The following SSBP3 variants were observed in gnomAD, a reference collection of about 807,000 sequenced individuals.
SSBP3 encodes single stranded DNA binding protein 3, also known as single-stranded DNA-binding protein 3.
SSBP3 carries 5 observed loss-of-function variants against 69.6 expected under a neutral mutation model. The ratio of observed to expected loss-of-function variants is 0.07; its 90% CI spans 0.04 to 0.15. SSBP3 has a LOEUF of 0.15. Ranked by LOEUF, SSBP3 falls within the 10% of genes least tolerant of loss-of-function variation. The pLI is 1.00. For synonymous variants in SSBP3, 196 were observed against 193.4 expected (o/e 1.01, Z -0.11); for missense variants, 312 against 534.0 (o/e 0.58, Z 4.10).
chr1:54,368,169 G>A (rs952947963), intron 4 of SSBP3, among the ~76,000 whole-genome samples: 26 of 151,472 alleles, frequency 1.7e-4, no homozygotes, highest in Admixed American at 7.2e-4. Flanking sequence ...ATGGTGGTGC[G>A]CACCTGTAGT....
chr1:54,289,876 G>T (rs904545642), intron 4 of SSBP3, among the ~76,000 whole-genome samples: 1 of 152,118 alleles, frequency 6.6e-6, no homozygotes, highest in Non-Finnish European at 1.5e-5. Context: ...CTCCCCCACA[G>T]GCGAGGAGCC....
intron 4 of SSBP3, among the ~76,000 whole-genome samples, chr1:54,311,396 C>T (rs1645999242): frequency 6.6e-6 from 1 of 152,190 alleles, no homozygotes; most frequent in Non-Finnish European, 1.5e-5. Flanking sequence ...TACTGGGCCC[C>T]CAGGCCCTGG....
intron 4 of SSBP3, among the ~76,000 whole-genome samples, chr1:54,346,185 C>T (rs898083451): frequency 1.3e-5 from 2 of 150,852 alleles, no homozygotes; most frequent in Admixed American, 6.6e-5. Flanking sequence ...ATTAGCCAGG[C>T]GCGGCACCAT....
chr1:54,366,867 T>G (rs1157555817), intron 4 of SSBP3, among the ~76,000 whole-genome samples: 2 of 152,178 alleles, frequency 1.3e-5, no homozygotes, highest in African/African-American at 4.8e-5. Flanking sequence ...GACCGAAAGC[T>G]TGGTAAGAAG....
At chr1:54,305,670 C>T (rs1184518571) in intron 4 of SSBP3, among the ~76,000 whole-genome samples, 1 of 151,440 alleles carries the variant, frequency 6.6e-6, no homozygotes, top group African/African-American at 2.4e-5. Flanking sequence ...ATTATGTTGC[C>T]CAGGCTGGTA....
chr1:54,393,199 G>C (rs213484), intron 4 of SSBP3, among the ~76,000 whole-genome samples: 92,274 of 152,092 alleles, frequency 0.61, 30,267 homozygotes, highest in African/African-American at 0.86. Context: ...TGCGTCCACT[G>C]TTTTCTCATC....
At chr1:54,366,557 A>T (rs1376003132) in intron 4 of SSBP3, among the ~76,000 whole-genome samples, 1 of 152,204 alleles carries the variant, frequency 6.6e-6, no homozygotes. Context: ...CTGAATCAAG[A>T]CAGGTATCAA....
intron 4 of SSBP3, among the ~76,000 whole-genome samples, chr1:54,289,652 G>A (rs1049923261): frequency 6.6e-6 from 1 of 152,166 alleles, no homozygotes; most frequent in Admixed American, 6.5e-5. Context: ...TACTTGAGCT[G>A]GGGCCTTAAA....
intron 4 of SSBP3, among the ~76,000 whole-genome samples, chr1:54,304,555 G>A (rs988004316): frequency 1.2e-4 from 18 of 152,178 alleles, no homozygotes; most frequent in Admixed American, 1.0e-3. Flanking sequence ...GGACACAGCA[G>A]GCTGGAGTGT....
intron 5 of SSBP3, among the ~76,000 whole-genome samples, chr1:54,264,510 C>G (rs1281244030): frequency 6.6e-6 from 1 of 152,222 alleles, no homozygotes; most frequent in African/African-American, 2.4e-5. Flanking sequence ...TCTGTGGGTT[C>G]AGAGGCATGC....
chr1:54,311,131 G>A (rs146585717), intron 4 of SSBP3, among the ~76,000 whole-genome samples: 10 of 152,294 alleles, frequency 6.6e-5, no homozygotes, highest in Non-Finnish European at 1.2e-4. Context: ...AACAAGGTGG[G>A]GGACACATCA....
At chr1:54,401,492 A>G (rs1225298899) in intron 4 of SSBP3, among the ~76,000 whole-genome samples, 1 of 152,128 alleles carries the variant, frequency 6.6e-6, no homozygotes, top group Non-Finnish European at 1.5e-5. Context: ...CAAGTTTCCT[A>G]TTGGCTTTTG....
Position 54,261,765 on chromosome 1 carries a change from C to T in SSBP3, c.367-3616G>A, listed in dbSNP as rs1371453660. Among the ~76,000 whole-genome samples the T allele has an allele frequency of 7.2e-5, 11 of 152,210 alleles. No homozygotes were observed. The East Asian group carries it at 1.3e-3, about 19-fold the overall frequency. Reference sequence around the variant, plus strand: ...CTGCCTAATTAACCTTCCAGGGATGCGGTGGATCAGGGCAGATGGCACCCT... The same window carrying T: ...CTGCCTAATTAACCTTCCAGGGATGTGGTGGATCAGGGCAGATGGCACCCT... On this transcript the variant is annotated intron_variant, in intron 5 of 17. Coordinates refer to ENST00000610401, the Ensembl canonical transcript of SSBP3.
intron 4 of SSBP3, among the ~76,000 whole-genome samples, chr1:54,363,317 C>T (rs116082286): frequency 6.6e-6 from 1 of 152,168 alleles, no homozygotes. Flanking sequence ...TACCAGCCAT[C>T]TCAAAAGGGA....
At chr1:54,395,413 C>T (rs1210696893) in intron 4 of SSBP3, among the ~76,000 whole-genome samples, 2 of 152,236 alleles carry the variant, frequency 1.3e-5, no homozygotes, top group African/African-American at 2.4e-5. Flanking sequence ...TACCATTTAG[C>T]CATGCAGTGG....
intron 4 of SSBP3, among the ~76,000 whole-genome samples, chr1:54,284,032 TC>T (rs1199788220): frequency 6.6e-6 from 1 of 152,214 alleles, no homozygotes; most frequent in Non-Finnish European, 1.5e-5. Flanking sequence ...TCTACATTTT[TC>T]TTCAGGTTCT....
chr1:54,253,481 C>T (rs1031618488), intron 7 of SSBP3, among the ~76,000 whole-genome samples: 1 of 152,118 alleles, frequency 6.6e-6, no homozygotes, highest in Non-Finnish European at 1.5e-5. Context: ...TGTGAGCCTC[C>T]GCACCTGGCC....
chr1:54,295,473 C>T (rs1358837085), intron 4 of SSBP3, among the ~76,000 whole-genome samples: 2 of 152,198 alleles, frequency 1.3e-5, no homozygotes, highest in East Asian at 3.9e-4. Context: ...TTTCATGAGG[C>T]ATCCCACGGA....
chr1:54,259,110 C>T (rs781740587), intron 5 of SSBP3, among the ~76,000 whole-genome samples: 5 of 151,990 alleles, frequency 3.3e-5, no homozygotes, highest in African/African-American at 7.3e-5. Flanking sequence ...ACCTCAGTTC[C>T]AAGCTGACCC....
Sources: gnomAD v4.1 joint callset for allele counts (sites outside exome capture counted in the v4.1 genomes callset) on GRCh38, gnomAD v4.1.1 for gene constraint, MANE v1.5 for transcripts, NCBI Gene and HGNC (gene_info 2026-07-23, HGNC 2026-07-21) for gene names.